The following PROSER2 variants were observed in gnomAD, a reference collection of about 807,000 sequenced individuals.
PROSER2 encodes proline and serine rich 2, also known as proline and serine-rich protein 2.
PROSER2 carries 18 observed loss-of-function variants against 14.6 expected under a neutral mutation model. The observed-to-expected ratio is 1.23, with a 90% confidence interval of 0.85 to 1.83. The LOEUF (loss-of-function observed/expected upper bound fraction) is 1.83, where lower values mean the gene tolerates loss of function less well. Among genes scored for constraint, PROSER2 ranks in the 40% most tolerant of loss-of-function variants. PROSER2 has a pLI of 0.00. For synonymous variants in PROSER2, 367 were observed against 286.4 expected, an observed-to-expected ratio of 1.28 and a Z score of -2.84; for missense variants, 823 against 629.8, an observed-to-expected ratio of 1.31 and a Z score of -3.28.
chr10:11,849,021 T>C (rs1023736578), intron 1 of PROSER2, among the ~76,000 whole-genome samples: 5 of 151,924 alleles, frequency 3.3e-5, no homozygotes, highest in African/African-American at 7.3e-5. Flanking sequence ...ACCCCGTCTA[T>C]ACTAAAAATA....
chr10:11,846,212 C>G (rs1833921546), intron 1 of PROSER2, among the ~76,000 whole-genome samples: 1 of 152,146 alleles, frequency 6.6e-6, no homozygotes, highest in Non-Finnish European at 1.5e-5. Context: ...GTCTCGAACT[C>G]CTGACCTCAA....
chr10:11,832,622 A>C (rs1234028422), intron 1 of PROSER2, among the ~76,000 whole-genome samples: 1 of 151,486 alleles, frequency 6.6e-6, no homozygotes, highest in African/African-American at 2.4e-5. Context: ...GTTTAAACTC[A>C]CTCCCCTCCA....
At position 11,866,693 on chromosome 10, in the gene PROSER2, C is replaced by G. The variant is rs376205516; in HGVS notation, c.301C>G (p.Pro101Ala). 3.2e-5 allele frequency: 51 copies of G among 1,613,988 alleles called. No homozygotes were observed. The highest frequency in any genetic ancestry group is 4.1e-5 in the Non-Finnish European group (48 of 1,180,038). Residue 101 changes from proline (P) to alanine (A), a missense_variant, in exon 3 of 4, where the codon CCC (proline) becomes GCC (alanine). Coordinates refer to ENST00000277570, the MANE Select transcript of PROSER2 (RefSeq NM_153256.4). The surrounding 1 kb of genome is among the most constrained non-coding windows in gnomAD (Gnocchi z 6.0). ...GTCTCTGGAGGAGAGCACCTCCAGT[C>G]CCTCCGAGCCTGAAGATGTCATCGA... ...SPSLEESTSS[P>A]SEPEDVIDLV...
In PROSER2 at chr10:11,869,931, T is replaced by TGCAGGAGCGCAGGGC; in HGVS notation, c.839_853dup (p.Glu280_Gln284dup). 1.3e-6 allele frequency: 2 copies of TGCAGGAGCGCAGGGC among 1,549,366 alleles called. No individual in the cohort carries two copies. The highest frequency in any genetic ancestry group is 4.8e-5 in the East Asian group (2 of 41,396). ...ACCCTGTCCAGGGCGGCCGTCAGCG[T>TGCAGGAGCGCAGGGC]GCAGGAGCGCAGGGCGCAGGTGTTG... On this transcript the variant is annotated inframe_insertion, in exon 4 of 4. Coordinates refer to ENST00000277570, the MANE Select transcript of PROSER2 (RefSeq NM_153256.4). The surrounding 1 kb of genome is among the most constrained non-coding windows in gnomAD (Gnocchi z 4.4).
In PROSER2 at chr10:11,836,300, G is replaced by T. The variant is rs376800140; in HGVS notation, c.-82+12830G>T. Among the ~76,000 whole-genome samples, 2 of 152,044 alleles carry T rather than the reference G, an allele frequency of 1.3e-5. No individual in the cohort carries two copies. Among genetic ancestry groups the T allele is most frequent in the African/African-American group, 4.8e-5 (2 of 41,400 alleles). ...CAGCCTCCACCTTCCAGGTTCAAGC[G>T]ATTCTCCCATCTCAGCTTCCCAAGT... is the stretch of plus-strand genomic sequence containing the variant. On this transcript the variant is annotated intron_variant, in intron 1 of 3. Transcript: ENST00000277570. The surrounding 1 kb of genome is among the most constrained non-coding windows in gnomAD (Gnocchi z 4.6).
rs1165598732 is a variant in PROSER2, at chr10:11,836,361, T to C, written c.-82+12891T>C. Among the ~76,000 whole-genome samples the C allele has an allele frequency of 6.6e-6, 1 of 152,106 alleles. No individual in the cohort carries two copies. The highest frequency in any genetic ancestry group is 2.4e-5 in the African/African-American group (1 of 41,424). On this transcript the variant is annotated intron_variant, in intron 1 of 3. Transcript: ENST00000277570. The surrounding 1 kb of genome is among the most constrained non-coding windows in gnomAD (Gnocchi z 4.6). ...ACGGGCGCATACCACCACACCCGGC[T>C]AATTTTTGCATTTTTGGTAGAGATG...
chr10:11,866,904 T>C lies in PROSER2; in HGVS notation c.391+121T>C. The C allele has an allele frequency of 8.5e-7, 1 of 1,182,906 alleles. No individual in the cohort carries two copies. The highest frequency in any genetic ancestry group is 1.2e-6 in the Non-Finnish European group (1 of 864,182). The allele number at this position is 1,182,906 out of a possible 1,614,324, so 73.3% of individuals were successfully genotyped here. On this transcript the variant is annotated intron_variant, in intron 3 of 3. Transcript: ENST00000277570. This position sits in a 1 kb window ranked among gnomAD's most constrained non-coding sequence, Gnocchi z 6.0. The stretch of plus-strand genomic sequence containing the variant: ...AAGTTGTTGAGTCTTACCAGATTTT[T>C]ATAGGGGAAAATACTCCTTGGCAGT...
In PROSER2 at chr10:11,830,992, G is replaced by A. The variant is rs1246532930; in HGVS notation, c.-82+7522G>A. 6.6e-6 allele frequency among the ~76,000 whole-genome samples: 1 copy of A among 152,236 alleles called. No homozygotes were observed. Among genetic ancestry groups the A allele is most frequent in the Non-Finnish European group, 1.5e-5 (1 of 68,052 alleles). ...CTGGCTCGCAAAGGGACTGGTGGAA[G>A]ATGAGGTTAAAAGTTTCATGCTTTG... On this transcript the variant is annotated intron_variant, in intron 1 of 3. Coordinates refer to ENST00000277570, the MANE Select transcript of PROSER2 (RefSeq NM_153256.4). The surrounding 1 kb of genome is among the most constrained non-coding windows in gnomAD (Gnocchi z 4.5).
At position 11,870,387 on chromosome 10, in the gene PROSER2, T is replaced by A; in HGVS notation, c.1289T>A (p.Leu430Gln). 6.6e-7 allele frequency: 1 copy of A among 1,505,034 alleles called. No homozygotes were observed. Among genetic ancestry groups the A allele is most frequent in the Non-Finnish European group, 8.9e-7 (1 of 1,128,902 alleles). 93.2% of individuals were successfully genotyped at this position (1,505,034 alleles called of 1,614,324 possible). A position where few individuals can be genotyped will look rare whatever the true frequency, so the allele number is the denominator to read the frequency against. Residue 430 changes from leucine to glutamine, a missense_variant, in exon 4 of 4, where the codon CTG (leucine) becomes CAG (glutamine). Transcript: ENST00000277570. Reference sequence around the variant, plus strand: ...AGGGAGGCCCTGCGGAAGCTGGGGCTGCTCAGGGAGAGTTCGTGAGGGCCG... The same window carrying A: ...AGGGAGGCCCTGCGGAAGCTGGGGCAGCTCAGGGAGAGTTCGTGAGGGCCG... ...ARREALRKLG[L>Q]LRESS is the part of the protein sequence containing the mutation.
chr10:11,853,440 T>C (rs1164200535), intron 2 of PROSER2, among the ~76,000 whole-genome samples: 4 of 152,072 alleles, frequency 2.6e-5, no homozygotes, highest in Non-Finnish European at 4.4e-5. Context: ...ATACAAAAAT[T>C]AGCCGGGCGT....
Position 11,856,639 on chromosome 10 carries a change from G to C in PROSER2, c.138+4424G>C, listed in dbSNP as rs1834126708. Among the ~76,000 whole-genome samples, 1 of 152,150 alleles carries C rather than the reference G, an allele frequency of 6.6e-6. No homozygotes were observed. Among genetic ancestry groups the C allele is most frequent in the Non-Finnish European group, 1.5e-5 (1 of 68,030 alleles). On this transcript the variant is annotated intron_variant, in intron 2 of 3. Transcript: ENST00000277570. This position sits in a 1 kb window ranked among gnomAD's most constrained non-coding sequence, Gnocchi z 5.3. ...GATTTAATATTTGATGAACTGTCTC[G>C]AATCCCCCTCTCCCTACGCCCACAA...
intron 1 of PROSER2, among the ~76,000 whole-genome samples, chr10:11,844,261 G>A (rs1833894000): frequency 6.6e-6 from 1 of 152,108 alleles, no homozygotes; most frequent in Non-Finnish European, 1.5e-5. Context: ...AAAGCACTGG[G>A]ATTACAGGTA....
At position 11,870,088 on chromosome 10, in the gene PROSER2, G is replaced by C; in HGVS notation, c.990G>C (p.Arg330=). Reference sequence around the variant, plus strand: ...TGCCGGGCCCCGCTGAGAGTCTCCGGGCAGGGGGTCAGGCTCCGCGGGGCC... The same window carrying C: ...TGCCGGGCCCCGCTGAGAGTCTCCGCGCAGGGGGTCAGGCTCCGCGGGGCC... The part of the protein sequence containing the change: ...RGLPGPAESL[R]AGGQAPRGPA... Residue 330 remains arginine (R), a synonymous_variant, in exon 4 of 4, where the codon CGG becomes CGC. Coordinates refer to ENST00000277570, the MANE Select transcript of PROSER2 (RefSeq NM_153256.4). 7.7e-7 allele frequency: 1 copy of C among 1,295,008 alleles called. No individual in the cohort carries two copies. The highest frequency in any genetic ancestry group is 1.6e-5 in the African/African-American group (1 of 63,936). 80.2% of individuals were successfully genotyped at this position (1,295,008 alleles called of 1,614,324 possible). A position where few individuals can be genotyped will look rare whatever the true frequency, so the allele number is the denominator to read the frequency against.
intron 1 of PROSER2, among the ~76,000 whole-genome samples, chr10:11,824,044 G>A (rs1833578375): frequency 6.6e-6 from 1 of 152,234 alleles, no homozygotes; most frequent in Non-Finnish European, 1.5e-5. Context: ...ACAAAAGGCA[G>A]TAAAATAAAC....
chr10:11,850,709 G>C (rs887025044), intron 1 of PROSER2: 1 of 152,224 alleles, frequency 6.6e-6, no homozygotes, highest in African/African-American at 2.4e-5. Context: ...AGAGATGTCT[G>C]TAAGGTGTTT....
chr10:11,857,580 A>G (rs968749908), intron 2 of PROSER2, among the ~76,000 whole-genome samples: 3 of 152,036 alleles, frequency 2.0e-5, no homozygotes, highest in African/African-American at 7.2e-5. Flanking sequence ...CTCCGTCTCT[A>G]CGAAAAATAC....
chr10:11,826,429 A>G (rs1488972754), intron 1 of PROSER2, among the ~76,000 whole-genome samples: 1 of 152,156 alleles, frequency 6.6e-6, no homozygotes, highest in Non-Finnish European at 1.5e-5. Context: ...TAATTCTGTG[A>G]TTAACTTGCT....
At chr10:11,826,947 C>T (rs1456472208) in intron 1 of PROSER2, among the ~76,000 whole-genome samples, 1 of 147,250 alleles carries the variant, frequency 6.8e-6, no homozygotes, top group African/African-American at 2.5e-5. Context: ...TGCAGTGGCA[C>T]GATCTCAGCT....
chr10:11,859,974 C>T lies in PROSER2; in HGVS notation c.139-6557C>T, dbSNP rs116144351. Among the ~76,000 whole-genome samples the T allele has an allele frequency of 9.6e-3, 1,462 of 152,306 alleles. 21 individuals are homozygous for T. Among genetic ancestry groups the T allele is most frequent in the African/African-American group, 0.033 (1,390 of 41,554 alleles). ...GGAGGGGTAGACAGATTCTCCCTGC[C>T]GAGGGCCACAAGCCTCTTTTCTGAC... On this transcript the variant is annotated intron_variant, in intron 2 of 3. Coordinates refer to ENST00000277570, the MANE Select transcript of PROSER2 (RefSeq NM_153256.4).
Sources: gnomAD v4.1 joint callset for allele counts (sites outside exome capture counted in the v4.1 genomes callset) on GRCh38, gnomAD v4.1.1 for gene constraint, Gnocchi (gnomAD v3.1) non-coding constraint, MANE v1.5 for transcripts, NCBI Gene and HGNC (gene_info 2026-07-23, HGNC 2026-07-21) for gene names.